The following FSTL5 variants were observed in gnomAD, a reference collection of about 807,000 sequenced individuals.
The protein encoded by FSTL5 is follistatin like 5.
In FSTL5, 62 loss-of-function variants were observed where a neutral mutation model predicts 89.1. The ratio of observed to expected loss-of-function variants is 0.70; its 90% confidence interval spans 0.57 to 0.86. The LOEUF is 0.86. Ranked by LOEUF, FSTL5 falls within the 40% of genes least tolerant of loss-of-function variation. The pLI is 0.00. For synonymous variants in FSTL5, 383 were observed against 346.2 expected, an observed-to-expected ratio of 1.11 and a Z score of -1.18; for missense variants, 1,057 against 1,001.6, an observed-to-expected ratio of 1.06 and a Z score of -0.75.
At chr4:161,859,572 G>T (rs1731834287) in intron 4 of FSTL5, among the ~76,000 whole-genome samples, 1 of 152,080 alleles carries the variant, frequency 6.6e-6, no homozygotes, top group Non-Finnish European at 1.5e-5. Context: ...ATATATACTT[G>T]CTCAATTTCC....
intron 1 of FSTL5, among the ~76,000 whole-genome samples, chr4:162,133,520 T>C (rs1732403240): frequency 6.6e-6 from 1 of 152,210 alleles, no homozygotes; most frequent in South Asian, 2.1e-4. Flanking sequence ...TTTTGTTTTG[T>C]TTTTGTTTAG....
intron 3 of FSTL5, among the ~76,000 whole-genome samples, chr4:161,970,046 GT>G (rs1489729671): frequency 4.6e-5 from 7 of 151,884 alleles, no homozygotes; most frequent in Non-Finnish European, 1.0e-4. Flanking sequence ...TTGATGGGGA[GT>G]CACTAAGTTT....
intron 14 of FSTL5, among the ~76,000 whole-genome samples, chr4:161,456,206 C>T (rs896227890): frequency 6.6e-6 from 1 of 151,864 alleles, no homozygotes; most frequent in Non-Finnish European, 1.5e-5. Context: ...AATTATATTC[C>T]AATTGTGAAA....
intron 8 of FSTL5, among the ~76,000 whole-genome samples, chr4:161,575,705 G>A (rs530565450): frequency 6.6e-6 from 1 of 152,068 alleles, no homozygotes; most frequent in Admixed American, 6.6e-5. Context: ...ACCCACCTTG[G>A]TCTCCTGAAG....
chr4:161,752,774 T>C (rs975091833), intron 6 of FSTL5, among the ~76,000 whole-genome samples: 1 of 152,204 alleles, frequency 6.6e-6, no homozygotes, highest in Non-Finnish European at 1.5e-5. Context: ...AATGTGACTA[T>C]ATTTGGAGAT....
intron 10 of FSTL5, among the ~76,000 whole-genome samples, chr4:161,528,083 G>T (rs967295240): frequency 2.7e-5 from 4 of 145,570 alleles, no homozygotes; most frequent in African/African-American, 1.0e-4. Context: ...CTCATAGGTG[G>T]GAATTGAACA....
chr4:161,949,393 ATCT>A (rs1447084426), intron 3 of FSTL5, among the ~76,000 whole-genome samples: 5 of 152,102 alleles, frequency 3.3e-5, no homozygotes, highest in African/African-American at 9.7e-5. Context: ...CTTTTAAAAA[ATCT>A]TCTCTTTATC....
At chr4:162,154,572 AAG>A (rs1241677782) in intron 1 of FSTL5, among the ~76,000 whole-genome samples, 1 of 152,184 alleles carries the variant, frequency 6.6e-6, no homozygotes, top group East Asian at 1.9e-4. Flanking sequence ...TGCATGCAAT[AAG>A]TTCATAATAA....
At chr4:161,836,909 G>A (rs929627534) in intron 4 of FSTL5, among the ~76,000 whole-genome samples, 2 of 151,982 alleles carry the variant, frequency 1.3e-5, no homozygotes, top group African/African-American at 4.8e-5. Flanking sequence ...TTCATTCTTT[G>A]AGATAGGAAC....
rs192078516 is a variant in FSTL5 at position 161,675,702 on chromosome 4, A to G, written c.728-19208T>C. Among the ~76,000 whole-genome samples, 261 of 152,070 alleles carry G rather than the reference A, an allele frequency of 1.7e-3. 1 individual carries two copies. Among genetic ancestry groups the G allele is most frequent in the African/African-American group, 6.1e-3 (252 of 41,570 alleles). On this transcript the variant is annotated intron_variant, in intron 6 of 15. Transcript: ENST00000306100. ...TATAATTAGATTTTAATAAATTACT[A>G]AGAAGTACTTCTGTAATGTGCTTTA...
chr4:161,757,505 T>C (rs1740617447), intron 6 of FSTL5, among the ~76,000 whole-genome samples: 2 of 152,120 alleles, frequency 1.3e-5, no homozygotes, highest in African/African-American at 4.8e-5. Context: ...GAAAAACACA[T>C]AGACTTCATA....
intron 3 of FSTL5, among the ~76,000 whole-genome samples, chr4:161,957,532 T>C (rs986248939): frequency 6.6e-6 from 1 of 152,050 alleles, no homozygotes; most frequent in Non-Finnish European, 1.5e-5. Context: ...AAATTCTTGT[T>C]CTCCTGCTAC....
chr4:161,663,797 C>T (rs1736795059), intron 6 of FSTL5, among the ~76,000 whole-genome samples: 1 of 152,212 alleles, frequency 6.6e-6, no homozygotes, highest in Admixed American at 6.5e-5. Flanking sequence ...AGCAGAAGTT[C>T]TCCATGAGGG....
chr4:162,051,942 CAAG>C (rs1738392143), intron 2 of FSTL5, among the ~76,000 whole-genome samples: 1 of 150,658 alleles, frequency 6.6e-6, no homozygotes, highest in South Asian at 2.1e-4. Context: ...CAAAGAAAAA[CAAG>C]AAGGAAATAG....
chr4:161,633,291 TTTATTA>T (rs60503667), intron 7 of FSTL5, among the ~76,000 whole-genome samples: 2,643 of 140,686 alleles, frequency 0.019, 73 homozygotes, highest in African/African-American at 0.061. Context: ...ACTAATTCTT[TTTATTA>T]TTATTATTAT....
At chr4:162,043,171 T>C (rs905189860) in intron 2 of FSTL5, 1 of 152,172 alleles carries the variant, frequency 6.6e-6, no homozygotes, top group Non-Finnish European at 1.5e-5. Context: ...GTTATGTACA[T>C]CCTTCTTACA....
chr4:161,695,784 C>G (rs372258830), intron 6 of FSTL5, among the ~76,000 whole-genome samples: 3 of 152,060 alleles, frequency 2.0e-5, no homozygotes, highest in African/African-American at 7.2e-5. Context: ...TGTCTCTTCA[C>G]GTTCTTAGCC....
intron 6 of FSTL5, among the ~76,000 whole-genome samples, chr4:161,695,424 C>CGTGTGTGTGTGTGTGTGTGTGTGTGT (rs151205054): frequency 1.9e-4 from 25 of 134,334 alleles, no homozygotes; most frequent in South Asian, 7.2e-4. Context: ...CCATGGTGTA[C>CGTGTGTGTGTGTGTGTGTGTGTGTGT]GTGTGTGTGT....
chr4:161,906,293 G>A (rs1455398107), intron 4 of FSTL5, among the ~76,000 whole-genome samples: 1 of 152,140 alleles, frequency 6.6e-6, no homozygotes, highest in African/African-American at 2.4e-5. Flanking sequence ...CCAGAGGGAG[G>A]AACAACGGCA....
Sources: allele counts gnomAD v4.1 joint callset (sites outside exome capture counted in the v4.1 genomes callset), GRCh38; gene constraint gnomAD v4.1.1; transcripts MANE v1.5; gene names NCBI Gene and HGNC (gene_info 2026-07-23, HGNC 2026-07-21).